Variants in CPA6 observed in about 807,000 individuals in gnomAD.
The protein encoded by CPA6 is carboxypeptidase B.
CPA6 carries 58 observed loss-of-function variants against 63.3 expected under a neutral mutation model. The observed-to-expected ratio is 0.92, with a 90% CI of 0.74 to 1.14. The LOEUF (loss-of-function observed/expected upper bound fraction) is 1.14. Among genes scored for constraint, CPA6 ranks in the 50% most tolerant of loss-of-function variants. The pLI is 0.00. For missense variants in CPA6, 565 were observed against 526.6 expected, an observed-to-expected ratio of 1.07 and a Z score of -0.71; for synonymous variants, 185 against 179.0, an observed-to-expected ratio of 1.03 and a Z score of -0.27.
chr8:67,589,615 G>A (rs1243540180), intron 2 of CPA6, among the ~76,000 whole-genome samples: 1 of 152,118 alleles, frequency 6.6e-6, no homozygotes, highest in Non-Finnish European at 1.5e-5. Flanking sequence ...TGTATGGTAA[G>A]GAGATACTGA....
chr8:67,697,417 C>A (rs1816931406), intron 1 of CPA6, among the ~76,000 whole-genome samples: 1 of 152,158 alleles, frequency 6.6e-6, no homozygotes, highest in Non-Finnish European at 1.5e-5. Flanking sequence ...AGTCATAAGA[C>A]CTTAAGGAGG....
At position 67,428,124 on chromosome 8, in the gene CPA6, G is replaced by A. The variant is rs759310000; in HGVS notation, c.1049C>T (p.Ala350Val). 2 of 1,607,668 alleles carry A rather than the reference G, an allele frequency of 1.2e-6. No individual in the cohort carries two copies. Among genetic ancestry groups the A allele is most frequent in the African/African-American group, 1.3e-5 (1 of 74,780 alleles). ...TIPNFRCVES[A>V]AYKAVNALQS... ...AAGTGCATTCACAGCTTTATAAGCTGCAGATTCCTATGAGGGAAAATGGGG... is the reference window on the plus strand; with the variant it reads ...AAGTGCATTCACAGCTTTATAAGCTACAGATTCCTATGAGGGAAAATGGGG... Residue 350 changes from alanine (A) to valine (V), a missense_variant, in exon 10 of 11, where the codon GCA (alanine) becomes GTA (valine). Transcript: ENST00000297770.
intron 2 of CPA6, among the ~76,000 whole-genome samples, chr8:67,536,080 C>A (rs1175140854): frequency 1.3e-5 from 2 of 151,874 alleles, no homozygotes; most frequent in African/African-American, 4.8e-5. Context: ...GTTTTGGTAC[C>A]AGTACCATAC....
rs138763514 is a variant in CPA6 at position 67,629,872 on chromosome 8, C to T, written c.117-5621G>A. ...CTGTAATCCCAGTACTTTGGGAGGC[C>T]GAGGCGGGTGGATCACGAGGTCAGG... On this transcript the variant is annotated intron_variant, in intron 1 of 10. Coordinates refer to ENST00000297770, the MANE Select transcript of CPA6 (RefSeq NM_020361.5). Among the ~76,000 whole-genome samples, 205 of 151,924 alleles carry T rather than the reference C, an allele frequency of 1.3e-3. 1 individual carries two copies. Among genetic ancestry groups the T allele is most frequent in the African/African-American group, 4.8e-3 (198 of 41,412 alleles).
chr8:67,674,046 A>G (rs1816414656), intron 1 of CPA6, among the ~76,000 whole-genome samples: 1 of 152,220 alleles, frequency 6.6e-6, no homozygotes, highest in Non-Finnish European at 1.5e-5. Flanking sequence ...TGTTACCATC[A>G]TAGAACAATC....
At chr8:67,439,074 T>G (rs989445019) in intron 8 of CPA6, among the ~76,000 whole-genome samples, 5 of 151,194 alleles carry the variant, frequency 3.3e-5, no homozygotes, top group African/African-American at 1.2e-4. Context: ...CATGGAGGAT[T>G]GCTTGAGGCC....
At chr8:67,539,274 AT>A (rs1294973343) in intron 2 of CPA6, among the ~76,000 whole-genome samples, 1 of 152,210 alleles carries the variant, frequency 6.6e-6, no homozygotes, top group East Asian at 1.9e-4. Flanking sequence ...TTGGCTGGAT[AT>A]GAAATCCTGG....
intron 2 of CPA6, among the ~76,000 whole-genome samples, chr8:67,532,319 T>C (rs890409471): frequency 1.3e-5 from 2 of 152,046 alleles, no homozygotes. Context: ...GAAAGTGACA[T>C]AAATGTAGAT....
chr8:67,458,052 C>A (rs974605869), intron 8 of CPA6, among the ~76,000 whole-genome samples: 1 of 151,928 alleles, frequency 6.6e-6, no homozygotes, highest in Non-Finnish European at 1.5e-5. Context: ...CATCCACATA[C>A]AAAAAAGTGA....
chr8:67,480,699 G>A (rs1811339891), intron 8 of CPA6, among the ~76,000 whole-genome samples: 1 of 152,116 alleles, frequency 6.6e-6, no homozygotes, highest in Non-Finnish European at 1.5e-5. Context: ...ATATCTAAGA[G>A]TGGAGTTGCT....
At chr8:67,616,363 C>T (rs1048642410) in intron 2 of CPA6, among the ~76,000 whole-genome samples, 7 of 152,122 alleles carry the variant, frequency 4.6e-5, no homozygotes, top group African/African-American at 1.7e-4. Context: ...TGTGTGAGGG[C>T]TGCAGAAAAG....
At chr8:67,605,573 T>G (rs1437664151) in intron 2 of CPA6, among the ~76,000 whole-genome samples, 1 of 150,052 alleles carries the variant, frequency 6.7e-6, no homozygotes, top group Non-Finnish European at 1.5e-5. Context: ...CCATGGTTGT[T>G]TGAATATGTG....
intron 2 of CPA6, among the ~76,000 whole-genome samples, chr8:67,609,793 A>G (rs932074277): frequency 6.6e-6 from 1 of 152,212 alleles, no homozygotes; most frequent in African/African-American, 2.4e-5. Context: ...AGGCCAAGGC[A>G]GGTGGATCAC....
intron 2 of CPA6, among the ~76,000 whole-genome samples, chr8:67,520,390 C>T (rs550394285): frequency 2.0e-4 from 30 of 152,094 alleles, no homozygotes; most frequent in South Asian, 2.1e-4. Context: ...GAAATGTGCT[C>T]GGAAAGCTGT....
chr8:67,582,080 T>C (rs1019594190), intron 2 of CPA6, among the ~76,000 whole-genome samples: 4 of 152,120 alleles, frequency 2.6e-5, no homozygotes, highest in African/African-American at 9.7e-5. Flanking sequence ...TGTCAGGGTC[T>C]GATGAAACCC....
chr8:67,629,012 G>A (rs1489736386), intron 1 of CPA6, among the ~76,000 whole-genome samples: 2 of 152,210 alleles, frequency 1.3e-5, no homozygotes, highest in Non-Finnish European at 2.9e-5. Context: ...CTACTCTGGA[G>A]GCTAAGGCAG....
chr8:67,540,893 G>C (rs1253443727), intron 2 of CPA6, among the ~76,000 whole-genome samples: 1 of 152,240 alleles, frequency 6.6e-6, no homozygotes, highest in Non-Finnish European at 1.5e-5. Context: ...TCAGACTGCT[G>C]TGCTGGCAGT....
chr8:67,471,103 CTCTT>C (rs1363868036), intron 8 of CPA6, among the ~76,000 whole-genome samples: 5 of 152,150 alleles, frequency 3.3e-5, no homozygotes, highest in African/African-American at 1.2e-4. Context: ...ACTCCTCTCT[CTCTT>C]CCTCCCTCAG....
chr8:67,540,572 C>G (rs1045153069), intron 2 of CPA6, among the ~76,000 whole-genome samples: 1 of 152,224 alleles, frequency 6.6e-6, no homozygotes. Context: ...AGCTGGCAGG[C>G]AGGAACGTTT....
Sources: allele counts gnomAD v4.1 joint callset (sites outside exome capture counted in the v4.1 genomes callset), GRCh38; gene constraint gnomAD v4.1.1; transcripts MANE v1.5; gene names NCBI Gene and HGNC (gene_info 2026-07-23, HGNC 2026-07-21).